Variants in CHD9NB observed in about 807,000 individuals in gnomAD.
The protein encoded by CHD9NB is CHD9 neighbor protein.
chr16:53,041,135 A>G, the CHD9NB span, among the ~76,000 whole-genome samples: 1 of 152,216 alleles, frequency 6.6e-6, no homozygotes, highest in Non-Finnish European at 1.5e-5. Context: ...GATGAAAGGA[A>G]GGAAGGAGGC....
At chr16:53,043,183 G>T in the CHD9NB span, 1 of 152,260 alleles carries the variant, frequency 6.6e-6, no homozygotes, top group Non-Finnish European at 1.5e-5. Flanking sequence ...GAAAAGAGAG[G>T]CTGACAGACA....
At chr16:53,049,699 T>A in the CHD9NB span, among the ~76,000 whole-genome samples, 25 of 152,106 alleles carry the variant, frequency 1.6e-4, no homozygotes, top group Non-Finnish European at 3.4e-4. Flanking sequence ...GTTGCCAAAA[T>A]GAGCAAATAT....
the CHD9NB span, among the ~76,000 whole-genome samples, chr16:53,047,447 G>A: frequency 6.6e-5 from 10 of 152,154 alleles, no homozygotes; most frequent in Admixed American, 5.2e-4. Flanking sequence ...TCATGAGCAA[G>A]GTGCCTGCAA....
chr16:53,051,768 A>AATATATATATATATATAT, the CHD9NB span, among the ~76,000 whole-genome samples: 23 of 104,592 alleles, frequency 2.2e-4, no homozygotes, highest in African/African-American at 3.7e-4. Context: ...TAAAAGTATA[A>AATATATATATATATATAT]ATATATATAT....
the CHD9NB span, among the ~76,000 whole-genome samples, chr16:53,049,573 T>C: frequency 6.6e-6 from 1 of 152,148 alleles, no homozygotes; most frequent in Non-Finnish European, 1.5e-5. Context: ...TCCTTTAATA[T>C]GGAAGATGTC....
the CHD9NB span, chr16:53,043,032 T>C: frequency 1.3e-5 from 2 of 152,276 alleles, no homozygotes; most frequent in Non-Finnish European, 2.9e-5. Flanking sequence ...ACACCCACTC[T>C]TCTCTGCTGA....
At chr16:53,049,776 G>A in the CHD9NB span, among the ~76,000 whole-genome samples, 1 of 152,162 alleles carries the variant, frequency 6.6e-6, no homozygotes, top group East Asian at 1.9e-4. Context: ...AGTGGTCATG[G>A]TTAAAAGCAG....
At chr16:53,049,550 C>T in the CHD9NB span, among the ~76,000 whole-genome samples, 12 of 152,258 alleles carry the variant, frequency 7.9e-5, no homozygotes, top group African/African-American at 2.6e-4. Context: ...TACTATTTAG[C>T]AGCATCAATA....
chr16:53,046,443 G>A, the CHD9NB span, among the ~76,000 whole-genome samples: 1 of 151,836 alleles, frequency 6.6e-6, no homozygotes, highest in African/African-American at 2.4e-5. Flanking sequence ...TTAGGAGGCC[G>A]AGGCGGGTGG....
the CHD9NB span, among the ~76,000 whole-genome samples, chr16:53,049,466 G>A: frequency 1.3e-5 from 2 of 152,044 alleles, no homozygotes; most frequent in African/African-American, 4.8e-5. Context: ...ATGAGCCACC[G>A]CACCTGGAGG....
chr16:53,044,255 C>T, the CHD9NB span: 2 of 397,768 alleles, frequency 5.0e-6, no homozygotes. Context: ...TAACCATCCT[C>T]TTGCAGCACT....
At chr16:53,039,573 C>T in the CHD9NB span, among the ~76,000 whole-genome samples, 841 of 152,130 alleles carry the variant, frequency 5.5e-3, 8 homozygotes, top group African/African-American at 0.019. Flanking sequence ...GGCAAAACCC[C>T]GTCTCTACTA....
At chr16:53,047,042 C>G in the CHD9NB span, among the ~76,000 whole-genome samples, 1 of 152,078 alleles carries the variant, frequency 6.6e-6, no homozygotes, top group African/African-American at 2.4e-5. Flanking sequence ...TATGGGCAAC[C>G]CAAAGATGGA....
the CHD9NB span, among the ~76,000 whole-genome samples, chr16:53,041,323 G>A: frequency 7.9e-5 from 12 of 152,254 alleles, no homozygotes; most frequent in Admixed American, 7.8e-4. Context: ...AAGGGAGACA[G>A]ACGAGTGATG....
the CHD9NB span, among the ~76,000 whole-genome samples, chr16:53,050,513 A>G: frequency 6.6e-6 from 1 of 152,184 alleles, no homozygotes; most frequent in African/African-American, 2.4e-5. Flanking sequence ...GTCTCAAAAA[A>G]AATAAAATAA....
At chr16:53,035,774 G>GCAA in the CHD9NB span, 2 of 152,106 alleles carry the variant, frequency 1.3e-5, no homozygotes, top group Non-Finnish European at 2.9e-5. Flanking sequence ...ACCAGCCTGG[G>GCAA]CAACATAGTG....
chr16:53,052,347 A>G, the CHD9NB span, among the ~76,000 whole-genome samples: 1 of 152,126 alleles, frequency 6.6e-6, no homozygotes, highest in African/African-American at 2.4e-5. Flanking sequence ...TGTGGCTGCA[A>G]TGAACAATGA....
the CHD9NB span, among the ~76,000 whole-genome samples, chr16:53,045,966 G>C: frequency 6.6e-6 from 1 of 152,222 alleles, no homozygotes; most frequent in Middle Eastern, 3.4e-3. Context: ...TGGGAATTCA[G>C]TGATCTGCAA....
At chr16:53,045,305 A>G in the CHD9NB span, among the ~76,000 whole-genome samples, 1 of 152,148 alleles carries the variant, frequency 6.6e-6, no homozygotes, top group Admixed American at 6.5e-5. Flanking sequence ...CCATCAGGCT[A>G]TCTTCACACA....
Sources: gnomAD v4.1 joint callset for allele counts (sites outside exome capture counted in the v4.1 genomes callset) on GRCh38, gnomAD v4.1.1 for gene constraint, MANE v1.5 for transcripts, NCBI Gene and HGNC (gene_info 2026-07-23, HGNC 2026-07-21) for gene names.